ADARB2: variants seen among roughly 807,000 people sequenced by gnomAD.
The protein encoded by ADARB2 is inactive double-stranded RNA-specific editase B2.
A neutral mutation model predicts 62.2 loss-of-function variants in ADARB2; 25 were observed. That is an observed-to-expected ratio of 0.40 (90% CI 0.29 to 0.56). The LOEUF is 0.56. ADARB2 is among the 20% of genes least tolerant of loss of function. The pLI is 0.43. For synonymous variants in ADARB2, 572 were observed against 500.8 expected (o/e 1.14, Z -1.90); for missense variants, 1,071 against 1,077.4 (o/e 0.99, Z 0.08).
chr10:1,420,749 A>T (rs1242248815), intron 1 of ADARB2, among the ~76,000 whole-genome samples: 1 of 152,180 alleles, frequency 6.6e-6, no homozygotes, highest in Non-Finnish European at 1.5e-5. Flanking sequence ...GCACAGAAGC[A>T]GGAGAAGATG....
intron 1 of ADARB2, among the ~76,000 whole-genome samples, chr10:1,483,592 TC>T (rs1831503050): frequency 7.3e-6 from 1 of 136,338 alleles, no homozygotes; most frequent in African/African-American, 2.8e-5. Flanking sequence ...GTCCTTTCTA[TC>T]CCAGAGTATT....
chr10:1,468,314 G>A (rs1164182770), intron 1 of ADARB2, among the ~76,000 whole-genome samples: 1 of 152,164 alleles, frequency 6.6e-6, no homozygotes, highest in Non-Finnish European at 1.5e-5. Flanking sequence ...GGGCTCTCTG[G>A]GAAAGCAGTC....
chr10:1,298,836 C>T (rs1589183822), intron 3 of ADARB2, among the ~76,000 whole-genome samples: 1 of 141,392 alleles, frequency 7.1e-6, no homozygotes, highest in East Asian at 2.1e-4. Flanking sequence ...ACCTCTGGGG[C>T]TCAAGTGATC....
intron 3 of ADARB2, among the ~76,000 whole-genome samples, chr10:1,335,121 T>C (rs1336330934): frequency 6.6e-6 from 1 of 151,986 alleles, no homozygotes; most frequent in Non-Finnish European, 1.5e-5. Flanking sequence ...TCAGGGGCAA[T>C]GGGTTTGTCT....
chr10:1,426,783 G>A lies in ADARB2; in HGVS notation c.101-47623C>T, dbSNP rs17156303. Among the ~76,000 whole-genome samples, 14,506 of 152,256 alleles carry A rather than the reference G, an allele frequency of 0.095. 836 individuals carry two copies. Among genetic ancestry groups the A allele is most frequent in the East Asian group, 0.19 (993 of 5,166 alleles). On this transcript the variant is annotated intron_variant, in intron 1 of 9. Transcript: ENST00000381312. The surrounding 1 kb of genome is among the most constrained non-coding windows in gnomAD (Gnocchi z 4.1). The stretch of plus-strand genomic sequence containing the variant: ...TTGCCCCTGGTTGACTCCTGACGGC[G>A]CTTACTCCACCACTGCATCCCTTCT...
chr10:1,309,195 G>A (rs1297316857), intron 3 of ADARB2, among the ~76,000 whole-genome samples: 1 of 152,176 alleles, frequency 6.6e-6, no homozygotes. Flanking sequence ...CATACCCAGA[G>A]GGTGACTGAT....
chr10:1,687,620 A>G (rs1834612718), intron 1 of ADARB2, among the ~76,000 whole-genome samples: 2 of 152,116 alleles, frequency 1.3e-5, no homozygotes, highest in South Asian at 4.1e-4. Flanking sequence ...AATAGTGCAA[A>G]CGCATTAAAT....
chr10:1,219,555 A>T (rs911040584), intron 6 of ADARB2, among the ~76,000 whole-genome samples: 3 of 152,244 alleles, frequency 2.0e-5, no homozygotes, highest in African/African-American at 7.2e-5. Context: ...CATTCACGGA[A>T]AAAAGAGCGA....
chr10:1,628,126 C>T (rs1457487922), intron 1 of ADARB2, among the ~76,000 whole-genome samples: 1 of 152,256 alleles, frequency 6.6e-6, no homozygotes, highest in Non-Finnish European at 1.5e-5. Context: ...ACCCTGGCAG[C>T]AGGTGCCTGA....
At chr10:1,532,803 G>C (rs761905888) in intron 1 of ADARB2, among the ~76,000 whole-genome samples, 1 of 152,208 alleles carries the variant, frequency 6.6e-6, no homozygotes, top group South Asian at 2.1e-4. Context: ...GCACAGGCAG[G>C]AGCCTGAATG....
At chr10:1,344,001 C>T (rs1415057886) in intron 3 of ADARB2, among the ~76,000 whole-genome samples, 1 of 152,158 alleles carries the variant, frequency 6.6e-6, no homozygotes, top group African/African-American at 2.4e-5. Flanking sequence ...AGCAAACCTG[C>T]ACATGTACCC....
chr10:1,487,123 G>A (rs1160194747), intron 1 of ADARB2, among the ~76,000 whole-genome samples: 1 of 152,196 alleles, frequency 6.6e-6, no homozygotes, highest in Admixed American at 6.5e-5. Flanking sequence ...TGGGGAGGCC[G>A]GATTTCAGCC....
At chr10:1,270,554 C>T (rs1831251301) in intron 4 of ADARB2, among the ~76,000 whole-genome samples, 1 of 151,636 alleles carries the variant, frequency 6.6e-6, no homozygotes, top group African/African-American at 2.4e-5. Flanking sequence ...CCCCTCGCGG[C>T]TGGGTCACCC....
At chr10:1,730,407 G>C (rs192414556) in intron 1 of ADARB2, among the ~76,000 whole-genome samples, 1 of 152,224 alleles carries the variant, frequency 6.6e-6, no homozygotes, top group East Asian at 1.9e-4. Flanking sequence ...CCTCTTCCGC[G>C]TGAGGCTTCA....
At chr10:1,496,102 C>T (rs1234992433) in intron 1 of ADARB2, among the ~76,000 whole-genome samples, 1 of 151,744 alleles carries the variant, frequency 6.6e-6, no homozygotes, top group Non-Finnish European at 1.5e-5. Context: ...TCATCATCGT[C>T]ATCACCATCA....
intron 1 of ADARB2, among the ~76,000 whole-genome samples, chr10:1,550,251 C>T (rs1050630000): frequency 2.6e-5 from 4 of 152,174 alleles, no homozygotes; most frequent in Admixed American, 2.0e-4. Flanking sequence ...GGCCTCTGAT[C>T]GAATTTTTAA....
intron 1 of ADARB2, among the ~76,000 whole-genome samples, chr10:1,484,309 G>A (rs575000259): frequency 1.3e-5 from 2 of 152,186 alleles, no homozygotes; most frequent in Non-Finnish European, 2.9e-5. Flanking sequence ...TTAAATGCTC[G>A]CATGTTCATC....
At chr10:1,218,956 A>G (rs999060157) in intron 6 of ADARB2, among the ~76,000 whole-genome samples, 2 of 150,094 alleles carry the variant, frequency 1.3e-5, no homozygotes, top group African/African-American at 4.9e-5. Context: ...AGGCTGAGGC[A>G]GGAGAATGGC....
chr10:1,346,900 C>T (rs551877956), intron 3 of ADARB2, among the ~76,000 whole-genome samples: 137 of 152,384 alleles, frequency 9.0e-4, no homozygotes, highest in African/African-American at 3.2e-3. Flanking sequence ...CTGCAGATTG[C>T]ATGTCAATGG....
Sources: gnomAD v4.1 joint callset for allele counts (sites outside exome capture counted in the v4.1 genomes callset) on GRCh38, gnomAD v4.1.1 for gene constraint, Gnocchi (gnomAD v3.1) non-coding constraint, MANE v1.5 for transcripts, NCBI Gene and HGNC (gene_info 2026-07-23, HGNC 2026-07-21) for gene names.